ASCC1: variants seen among roughly 807,000 people sequenced by gnomAD.
The protein encoded by ASCC1 is ASC-1 complex subunit P50.
In ASCC1, 35 loss-of-function variants were observed where a neutral mutation model predicts 46.6. The observed-to-expected ratio is 0.75, with a 90% CI of 0.57 to 0.99. The LOEUF (loss-of-function observed/expected upper bound fraction) is 0.99, where lower values mean the gene tolerates loss of function less well. Ranked by LOEUF, ASCC1 falls within the 50% of genes least tolerant of loss-of-function variation. The pLI is 0.00. For synonymous variants in ASCC1, 143 were observed against 146.6 expected (o/e 0.98, Z 0.18); for missense variants, 376 against 428.7 (o/e 0.88, Z 1.09).
chr10:72,210,158 C>CTTTTT (rs766972971), intron 3 of ASCC1, among the ~76,000 whole-genome samples: 20 of 131,750 alleles, frequency 1.5e-4, no homozygotes, highest in African/African-American at 3.8e-4. Context: ...AACCTCTTTT[C>CTTTTT]TTTTTTTTTT....
chr10:72,098,824 C>T (rs537841919), intron 9 of ASCC1, among the ~76,000 whole-genome samples: 54 of 152,318 alleles, frequency 3.5e-4, no homozygotes, highest in African/African-American at 1.3e-3. Flanking sequence ...TCAGCTCCTG[C>T]CTGCATTGAT....
chr10:72,149,409 G>A (rs1304267557), intron 7 of ASCC1, among the ~76,000 whole-genome samples: 1 of 125,762 alleles, frequency 8.0e-6, no homozygotes, highest in Non-Finnish European at 1.5e-5. Context: ...CTGCACTCCC[G>A]CCTGGGCGAC....
At chr10:72,136,336 C>G (rs1846194323) in intron 7 of ASCC1, among the ~76,000 whole-genome samples, 1 of 152,182 alleles carries the variant, frequency 6.6e-6, no homozygotes, top group East Asian at 1.9e-4. Flanking sequence ...CCAATCAGCA[C>G]TCTATGAAAA....
chr10:72,162,842 C>T (rs1240370421), intron 5 of ASCC1, among the ~76,000 whole-genome samples: 1 of 151,548 alleles, frequency 6.6e-6, no homozygotes, highest in Non-Finnish European at 1.5e-5. Context: ...ACTCGGGAGG[C>T]TGACACAGGA....
intron 6 of ASCC1, among the ~76,000 whole-genome samples, chr10:72,160,840 T>C (rs897988965): frequency 1.3e-5 from 2 of 149,422 alleles, no homozygotes; most frequent in African/African-American, 2.5e-5. Context: ...TCCCAGCACT[T>C]TGGGAGGCCA....
At chr10:72,206,471 C>T (rs1305812292) in intron 3 of ASCC1, among the ~76,000 whole-genome samples, 3 of 152,044 alleles carry the variant, frequency 2.0e-5, no homozygotes, top group Admixed American at 6.6e-5. Context: ...ATAAGGTTGT[C>T]GTAAGGATTA....
intron 9 of ASCC1, chr10:72,102,424 T>G (rs569278779): frequency 6.5e-7 from 1 of 1,547,698 alleles, no homozygotes; most frequent in Non-Finnish European, 8.7e-7. Context: ...TGTAGCACAG[T>G]TAAGTGGAAA....
intron 7 of ASCC1, among the ~76,000 whole-genome samples, chr10:72,141,565 G>A (rs1847020802): frequency 6.6e-6 from 1 of 152,166 alleles, no homozygotes; most frequent in Non-Finnish European, 1.5e-5. Flanking sequence ...GGGAGTAAAA[G>A]GCGAATATGC....
chr10:72,191,266 C>A (rs1589551133), intron 5 of ASCC1, among the ~76,000 whole-genome samples: 1 of 150,098 alleles, frequency 6.7e-6, no homozygotes, highest in East Asian at 2.0e-4. Context: ...GAGGTTTCAC[C>A]ATGTTGGTCA....
At chr10:72,195,320 A>AT (rs1479859487) in intron 5 of ASCC1, among the ~76,000 whole-genome samples, 3 of 150,316 alleles carry the variant, frequency 2.0e-5, no homozygotes, top group African/African-American at 7.3e-5. Context: ...TAATTTTTGT[A>AT]TTTTTTGTAG....
At chr10:72,152,145 A>G (rs1269875583) in intron 7 of ASCC1, among the ~76,000 whole-genome samples, 2 of 147,288 alleles carry the variant, frequency 1.4e-5, no homozygotes, top group African/African-American at 5.0e-5. Context: ...GGCGCACACC[A>G]TCATGCCTGG....
intron 1 of ASCC1, 32 bp from the exon 2 acceptor site, chr10:72,213,363 TAGTG>T (rs1323066484): frequency 4.9e-6 from 6 of 1,229,740 alleles, no homozygotes; most frequent in Admixed American, 1.7e-5. Flanking sequence ...TTACCTTTCT[TAGTG>T]AGAATTAAAA....
At chr10:72,175,898 C>T (rs77265471) in intron 5 of ASCC1, among the ~76,000 whole-genome samples, 2 of 152,216 alleles carry the variant, frequency 1.3e-5, no homozygotes, top group African/African-American at 2.4e-5. Context: ...GGGTTAACAG[C>T]GCAAGAGAGA....
In ASCC1 at chr10:72,177,435, G is replaced by GA. The variant is rs200129250; in HGVS notation, c.490-15762dup. 6.8e-3 allele frequency among the ~76,000 whole-genome samples: 1,036 copies of GA among 151,968 alleles called. 9 individuals are homozygous for GA. Among genetic ancestry groups the GA allele is most frequent in the African/African-American group, 0.024 (978 of 41,450 alleles). On this transcript the variant is annotated intron_variant, in intron 5 of 9. Coordinates refer to ENST00000672957, the MANE Select transcript of ASCC1 (RefSeq NM_001198800.3). Reference sequence around the variant, plus strand: ...CTTCTTCAGTGACTAATACTAACTGGAAAAAAAATCCTGCCTGAGGGAGTT... The same window carrying GA: ...CTTCTTCAGTGACTAATACTAACTGGAAAAAAAAATCCTGCCTGAGGGAGTT...
At chr10:72,194,502 A>T (rs1855059758) in intron 5 of ASCC1, among the ~76,000 whole-genome samples, 1 of 152,012 alleles carries the variant, frequency 6.6e-6, no homozygotes, top group Non-Finnish European at 1.5e-5. Flanking sequence ...ATACATGTTG[A>T]AAAATTCATA....
chr10:72,102,983 AC>A lies in ASCC1; in HGVS notation c.958-5534del, dbSNP rs1372391604. The A allele has an allele frequency of 2.2e-6, 1 of 450,400 alleles. No homozygotes were observed. Among genetic ancestry groups the A allele is most frequent in the African/African-American group, 2.0e-5 (1 of 49,424 alleles). 27.9% of individuals were successfully genotyped at this position (450,400 alleles called of 1,614,324 possible). On this transcript the variant is annotated intron_variant, in intron 9 of 9. Transcript: ENST00000672957. ...AGGCAAAGCTCTGTCTCAAAACAAA[AC>A]AAAAAAAAGATCAAAGTGAACTAGA...
chr10:72,189,802 C>CAAAAAAAAAAAAAA (rs996153326), intron 5 of ASCC1: 2 of 167,938 alleles, frequency 1.2e-5, no homozygotes, highest in African/African-American at 5.4e-5. Context: ...AACTCCATCT[C>CAAAAAAAAAAAAAA]AAAAAAAAAA....
chr10:72,104,576 G>C (rs1409650883), intron 9 of ASCC1, among the ~76,000 whole-genome samples: 1 of 152,088 alleles, frequency 6.6e-6, no homozygotes, highest in Non-Finnish European at 1.5e-5. Context: ...AATTAAAAAA[G>C]AATCTAGTTA....
intron 7 of ASCC1, among the ~76,000 whole-genome samples, chr10:72,147,254 A>C (rs1847745894): frequency 6.6e-6 from 1 of 151,876 alleles, no homozygotes; most frequent in African/African-American, 2.4e-5. Context: ...ATATTTCACA[A>C]CACCTTTTAT....
Sources: allele counts gnomAD v4.1 joint callset (sites outside exome capture counted in the v4.1 genomes callset), GRCh38; gene constraint gnomAD v4.1.1; transcripts MANE v1.5; gene names NCBI Gene and HGNC (gene_info 2026-07-23, HGNC 2026-07-21).